CTNNA2: variants seen among roughly 807,000 people sequenced by gnomAD.
CTNNA2 encodes the protein catenin alpha-2.
CTNNA2 carries 42 observed loss-of-function variants against 101.0 expected under a neutral mutation model. That is an observed-to-expected ratio of 0.42 (90% confidence interval 0.32 to 0.54). The LOEUF (loss-of-function observed/expected upper bound fraction) is 0.54. CTNNA2 is among the 20% of genes least tolerant of loss of function. CTNNA2 has a pLI of 0.14. For missense variants in CTNNA2, 871 were observed against 1,223.1 expected, an observed-to-expected ratio of 0.71 and a Z score of 4.29; for synonymous variants, 450 against 456.4, an observed-to-expected ratio of 0.99 and a Z score of 0.18.
chr2:79,311,408 CAAAAA>C (rs753633073), intron 2 of CTNNA2, among the ~76,000 whole-genome samples: 11,722 of 66,880 alleles, frequency 0.18, 558 homozygotes, highest in Middle Eastern at 0.3. Flanking sequence ...GACTCCGTCT[CAAAAA>C]AAAAAAAAAA....
At chr2:80,621,197 T>C (rs191417563) in intron 18 of CTNNA2, among the ~76,000 whole-genome samples, 147 of 151,988 alleles carry the variant, frequency 9.7e-4, no homozygotes, top group African/African-American at 3.4e-3. Context: ...TGATGGTAGA[T>C]GATCAAAAAG....
chr2:80,490,895 CT>C (rs1269803859), intron 9 of CTNNA2, among the ~76,000 whole-genome samples: 4 of 152,096 alleles, frequency 2.6e-5, no homozygotes, highest in African/African-American at 9.7e-5. Context: ...CAGATGCCAT[CT>C]TTTCGTATGA....
intron 6 of CTNNA2, among the ~76,000 whole-genome samples, chr2:79,901,519 G>C (rs1050733339): frequency 5.3e-5 from 8 of 151,968 alleles, no homozygotes; most frequent in Non-Finnish European, 1.2e-4. Flanking sequence ...GATTAGCTTA[G>C]ATTTTGGAAA....
chr2:80,284,061 T>G (rs954590586), intron 7 of CTNNA2, among the ~76,000 whole-genome samples: 1 of 152,174 alleles, frequency 6.6e-6, no homozygotes, highest in Non-Finnish European at 1.5e-5. Context: ...AGATTCTGCC[T>G]TCTTTCTTCA....
At chr2:80,026,708 C>G (rs1694954408) in intron 7 of CTNNA2, among the ~76,000 whole-genome samples, 1 of 152,150 alleles carries the variant, frequency 6.6e-6, no homozygotes, top group African/African-American at 2.4e-5. Context: ...TGTTTGTCAT[C>G]TAACCCAGCT....
rs369883677 is a variant in CTNNA2 at position 79,424,542 on chromosome 2, C to G, written c.-135+50529C>G. ...AACAATAACAAAAGCTACCTTATAC[C>G]TCTATACTATTTGTTATATCTTACC... On this transcript the variant is annotated intron_variant, in intron 4 of 21. Transcript: ENST00000466387. Among the ~76,000 whole-genome samples, 44 of 152,148 alleles carry G rather than the reference C, an allele frequency of 2.9e-4. No homozygotes were observed. The East Asian group carries it at 4.7e-3, about 16-fold the overall frequency.
At chr2:80,256,676 A>G (rs1431686207) in intron 7 of CTNNA2, among the ~76,000 whole-genome samples, 2 of 152,106 alleles carry the variant, frequency 1.3e-5, no homozygotes, top group Non-Finnish European at 2.9e-5. Flanking sequence ...GCAGAATCCC[A>G]CAGATCTTGA....
chr2:79,190,861 T>G (rs1212987875), intron 1 of CTNNA2, among the ~76,000 whole-genome samples: 1 of 152,216 alleles, frequency 6.6e-6, no homozygotes, highest in Non-Finnish European at 1.5e-5. Flanking sequence ...AGAGGATTAT[T>G]CATCCAGAAA....
At chr2:80,567,708 C>T (rs1694179354) in intron 12 of CTNNA2, among the ~76,000 whole-genome samples, 1 of 152,080 alleles carries the variant, frequency 6.6e-6, no homozygotes, top group Admixed American at 6.6e-5. Flanking sequence ...TTTTCTGGCT[C>T]CAATTACTCT....
At chr2:80,043,161 CCTTCCTTCCTTCCTTCCTTCCTTT>C (rs1448471955) in intron 7 of CTNNA2, among the ~76,000 whole-genome samples, 1,344 of 85,544 alleles carry the variant, frequency 0.016, 34 homozygotes, top group African/African-American at 0.059. Flanking sequence ...TTCCTTCCTT[CCTTCCTTCCTTCCTTCCTTCCTTT>C]CTTTCTTTCT....
At chr2:80,080,873 A>G (rs556118598) in intron 7 of CTNNA2, among the ~76,000 whole-genome samples, 1 of 151,256 alleles carries the variant, frequency 6.6e-6, no homozygotes, top group South Asian at 2.1e-4. Context: ...AATCTCCAAA[A>G]TCAGGACACA....
intron 2 of CTNNA2, among the ~76,000 whole-genome samples, chr2:79,300,143 G>A (rs531085323): frequency 4.6e-5 from 7 of 152,142 alleles, no homozygotes; most frequent in Non-Finnish European, 7.4e-5. Flanking sequence ...GAATAGTGTC[G>A]TTGCCCTAAA....
intron 1 of CTNNA2, among the ~76,000 whole-genome samples, chr2:79,579,280 TTCCC>T (rs1464765307): frequency 7.1e-6 from 1 of 141,370 alleles, no homozygotes; most frequent in Non-Finnish European, 1.5e-5. Context: ...CCTTCCTTCC[TTCCC>T]CTGCTACTTA....
chr2:79,624,903 T>C (rs1002169430), intron 1 of CTNNA2, among the ~76,000 whole-genome samples: 7 of 152,136 alleles, frequency 4.6e-5, no homozygotes, highest in Non-Finnish European at 1.0e-4. Context: ...TATCCCTTGT[T>C]CTTGTCTCCG....
intron 1 of CTNNA2, chr2:79,195,703 C>A: frequency 2.4e-6 from 1 of 413,710 alleles, no homozygotes. Flanking sequence ...CCATCCACTA[C>A]TTCTGACACA....
chr2:79,260,254 T>A (rs1267969261), intron 2 of CTNNA2, among the ~76,000 whole-genome samples: 1 of 152,060 alleles, frequency 6.6e-6, no homozygotes, highest in African/African-American at 2.4e-5. Context: ...TCTCCCACGG[T>A]CTCTCTCCCA....
At chr2:79,794,898 G>T (rs1675577402) in intron 3 of CTNNA2, among the ~76,000 whole-genome samples, 1 of 152,146 alleles carries the variant, frequency 6.6e-6, no homozygotes, top group Non-Finnish European at 1.5e-5. Flanking sequence ...GAGCCGTGCG[G>T]TTGATTTTCA....
chr2:80,426,604 A>G (rs548114721), intron 9 of CTNNA2, among the ~76,000 whole-genome samples: 3 of 152,252 alleles, frequency 2.0e-5, no homozygotes, highest in African/African-American at 7.2e-5. Context: ...ATAAAATCAT[A>G]TAATTTCCCT....
intron 1 of CTNNA2, among the ~76,000 whole-genome samples, chr2:79,549,638 A>C (rs1180222133): frequency 6.6e-6 from 1 of 152,204 alleles, no homozygotes; most frequent in African/African-American, 2.4e-5. Flanking sequence ...TTAATTTGTC[A>C]TAATAAAAAA....
Sources: allele counts gnomAD v4.1 joint callset (sites outside exome capture counted in the v4.1 genomes callset), GRCh38; gene constraint gnomAD v4.1.1; transcripts MANE v1.5; gene names NCBI Gene and HGNC (gene_info 2026-07-23, HGNC 2026-07-21).